Variants in CAST observed in about 807,000 individuals in gnomAD.
CAST encodes the protein calpastatin.
A neutral mutation model predicts 119.6 loss-of-function variants in CAST; 76 were observed. That is an observed-to-expected ratio of 0.64 (90% CI 0.53 to 0.77). The LOEUF (loss-of-function observed/expected upper bound fraction) is 0.77. Among genes scored for constraint, CAST ranks in the 30% least tolerant of loss-of-function variants. CAST has a pLI of 0.00. For synonymous variants in CAST, 319 were observed against 331.6 expected (o/e 0.96, Z 0.41); for missense variants, 953 against 946.5 (o/e 1.01, Z -0.09).
chr5:96,458,399 C>G, the CAST span, among the ~76,000 whole-genome samples: 2 of 152,098 alleles, frequency 1.3e-5, no homozygotes, highest in Non-Finnish European at 2.9e-5. Flanking sequence ...CTAGAGAAGT[C>G]ATTACTACAC....
At chr5:96,197,068 T>C in the CAST span, among the ~76,000 whole-genome samples, 1 of 152,228 alleles carries the variant, frequency 6.6e-6, no homozygotes, top group Non-Finnish European at 1.5e-5. Context: ...GGCCTTTATG[T>C]TCACATGTTC....
chr5:96,356,654 A>AT, the CAST span, among the ~76,000 whole-genome samples: 1 of 151,970 alleles, frequency 6.6e-6, no homozygotes, highest in Non-Finnish European at 1.5e-5. Context: ...GATGTGTGGC[A>AT]TTATTTTTGA....
chr5:96,752,370 A>G (rs746573008), intron 20 of CAST, among the ~76,000 whole-genome samples: 1 of 152,184 alleles, frequency 6.6e-6, no homozygotes, highest in Non-Finnish European at 1.5e-5. Context: ...TCTGTAGCAT[A>G]GAGTATGAGA....
chr5:96,741,824 C>A, intron 15 of CAST: 1 of 402,778 alleles, frequency 2.5e-6, no homozygotes, highest in Non-Finnish European at 4.6e-6. Flanking sequence ...ACCATCTCAC[C>A]ATTATGATAC....
At chr5:96,755,892 C>G (rs942889216) in intron 22 of CAST, among the ~76,000 whole-genome samples, 2 of 152,210 alleles carry the variant, frequency 1.3e-5, no homozygotes, top group African/African-American at 4.8e-5. Flanking sequence ...TCTGTCTCCA[C>G]TGAGTGCCCA....
chr5:96,511,393 C>T, the CAST span, among the ~76,000 whole-genome samples: 2 of 152,038 alleles, frequency 1.3e-5, no homozygotes, highest in African/African-American at 2.4e-5. Flanking sequence ...CTACCTGCCT[C>T]GGCCTCCCAA....
the CAST span, among the ~76,000 whole-genome samples, chr5:96,290,692 A>G: frequency 1.3e-5 from 2 of 152,304 alleles, no homozygotes; most frequent in African/African-American, 4.8e-5. Context: ...CCTGGTTTAT[A>G]TCTGAAATGG....
chr5:96,030,621 T>A, the CAST span, among the ~76,000 whole-genome samples: 1 of 152,272 alleles, frequency 6.6e-6, no homozygotes, highest in East Asian at 1.9e-4. Context: ...AGCATAAGAA[T>A]ACCAGATGCC....
chr5:96,740,780 T>C lies in CAST; in HGVS notation c.915T>C (p.Ser305=). The change falls in exon 13 of 32, where the codon TCT becomes TCC. Residue 305 remains serine, a synonymous_variant. Coordinates refer to ENST00000675179, the MANE Select transcript of CAST (RefSeq NM_001750.7). ...GGATCACAGGGCCTCCTGCAGACTCTTCGGTGAGTTTACATACATGTCTTC... is the reference window on the plus strand; with the variant it reads ...GGATCACAGGGCCTCCTGCAGACTCCTCGGTGAGTTTACATACATGTCTTC... ...KEGITGPPAD[S]SKPIGPDDAI... is the part of the protein sequence containing the mutation. The C allele has an allele frequency of 2.5e-6, 4 of 1,589,942 alleles. No individual in the cohort carries two copies. Among genetic ancestry groups the C allele is most frequent in the East Asian group, 2.2e-5 (1 of 44,778 alleles).
the CAST span, among the ~76,000 whole-genome samples, chr5:96,190,414 G>T: frequency 5.3e-5 from 8 of 152,130 alleles, no homozygotes; most frequent in African/African-American, 1.9e-4. Context: ...CCCTGACTCT[G>T]CCTGCCCACT....
the CAST span, among the ~76,000 whole-genome samples, chr5:96,376,245 A>G: frequency 6.6e-6 from 1 of 151,946 alleles, no homozygotes; most frequent in African/African-American, 2.4e-5. Flanking sequence ...TGTTGTAGCC[A>G]TCCTAATATA....
chr5:95,978,142 A>G, the CAST span, among the ~76,000 whole-genome samples: 2 of 152,140 alleles, frequency 1.3e-5, no homozygotes, highest in East Asian at 3.9e-4. Flanking sequence ...AGAATGATTT[A>G]TATTTTTTTG....
At chr5:96,179,885 A>G in the CAST span, among the ~76,000 whole-genome samples, 1 of 152,106 alleles carries the variant, frequency 6.6e-6, no homozygotes, top group African/African-American at 2.4e-5. Context: ...AAATACAAAA[A>G]AATTAGCCAG....
intron 9 of CAST, among the ~76,000 whole-genome samples, chr5:96,735,723 A>C (rs1038041240): frequency 6.6e-6 from 1 of 152,204 alleles, no homozygotes; most frequent in East Asian, 1.9e-4. Flanking sequence ...TGAGCGATCA[A>C]CTCATTTTAA....
the CAST span, among the ~76,000 whole-genome samples, chr5:96,493,346 C>T: frequency 6.6e-6 from 1 of 152,182 alleles, no homozygotes; most frequent in East Asian, 1.9e-4. Flanking sequence ...GCTTTGCCCT[C>T]CCAGGTAAGG....
chr5:96,280,397 G>T, the CAST span, among the ~76,000 whole-genome samples: 2 of 152,194 alleles, frequency 1.3e-5, no homozygotes, highest in Admixed American at 1.3e-4. Context: ...TGAGTAAGAA[G>T]AGAACAATGA....
the CAST span, among the ~76,000 whole-genome samples, chr5:95,973,878 AG>A: frequency 6.6e-6 from 1 of 152,184 alleles, no homozygotes; most frequent in African/African-American, 2.4e-5. Flanking sequence ...CAGTTTATAT[AG>A]TGACTCAGAA....
At chr5:96,614,101 G>A (rs949591267) in intron 1 of CAST, among the ~76,000 whole-genome samples, 7 of 152,158 alleles carry the variant, frequency 4.6e-5, no homozygotes, top group Middle Eastern at 3.4e-3. Context: ...AAATGCTGCC[G>A]GTCCAAGGAA....
intron 1 of CAST, chr5:96,662,942 G>T: frequency 3.4e-6 from 2 of 588,852 alleles, no homozygotes; most frequent in Non-Finnish European, 6.0e-6. Flanking sequence ...CAAATTGGGC[G>T]GGCGAGGAGG....
Sources: allele counts gnomAD v4.1 joint callset (sites outside exome capture counted in the v4.1 genomes callset), GRCh38; gene constraint gnomAD v4.1.1; transcripts MANE v1.5; gene names NCBI Gene and HGNC (gene_info 2026-07-23, HGNC 2026-07-21).